SH3BGRL2: variants seen among roughly 807,000 people sequenced by gnomAD.
SH3BGRL2 encodes SH3 domain-binding glutamic acid-rich-like protein 2.
A neutral mutation model predicts 14.8 loss-of-function variants in SH3BGRL2; 21 were observed. That is an observed-to-expected ratio of 1.42 (90% confidence interval 1.01 to 2.05). The LOEUF (loss-of-function observed/expected upper bound fraction) is 2.05. Among genes scored for constraint, SH3BGRL2 ranks in the 30% most tolerant of loss-of-function variants. SH3BGRL2 has a pLI of 0.00. For missense variants in SH3BGRL2, 147 were observed against 130.8 expected (o/e 1.12, Z -0.61); for synonymous variants, 50 against 47.8 (o/e 1.05, Z -0.19).
the SH3BGRL2 span, among the ~76,000 whole-genome samples, chr6:79,538,018 GTTTTTTTTTTTTTTTTTTTTTTT>G: frequency 6.8e-5 from 3 of 44,146 alleles, no homozygotes; most frequent in Non-Finnish European, 1.3e-4. Context: ...TTGCACACAA[GTTTTTTTTTTTTTTTTTTTTTTT>G]TTTTTTTTTT....
At chr6:79,657,635 A>G (rs1191189049) in intron 1 of SH3BGRL2, among the ~76,000 whole-genome samples, 1 of 151,244 alleles carries the variant, frequency 6.6e-6, no homozygotes, top group Non-Finnish European at 1.5e-5. Context: ...TTTTTTTTTG[A>G]GGCGGAGTTT....
the SH3BGRL2 span, among the ~76,000 whole-genome samples, chr6:79,578,599 A>G: frequency 6.6e-6 from 1 of 152,170 alleles, no homozygotes; most frequent in Non-Finnish European, 1.5e-5. Flanking sequence ...AAAGAATAGC[A>G]TCAACATCAA....
At chr6:79,562,100 A>G in the SH3BGRL2 span, among the ~76,000 whole-genome samples, 5 of 152,146 alleles carry the variant, frequency 3.3e-5, no homozygotes, top group Admixed American at 6.5e-5. Context: ...ATATTTTTTT[A>G]TTAGAACTAG....
intron 2 of SH3BGRL2, among the ~76,000 whole-genome samples, chr6:79,690,655 T>C (rs1306157550): frequency 6.6e-6 from 1 of 152,208 alleles, no homozygotes; most frequent in Non-Finnish European, 1.5e-5. Flanking sequence ...TCATAGTGGT[T>C]TGCTGGACAT....
At chr6:79,656,084 A>G (rs1283135206) in intron 1 of SH3BGRL2, among the ~76,000 whole-genome samples, 2 of 152,252 alleles carry the variant, frequency 1.3e-5, no homozygotes, top group African/African-American at 4.8e-5. Flanking sequence ...CATCTAATTT[A>G]GGTTTTTTAA....
the SH3BGRL2 span, among the ~76,000 whole-genome samples, chr6:79,556,549 A>T: frequency 6.6e-6 from 1 of 152,012 alleles, no homozygotes; most frequent in Admixed American, 6.6e-5. Flanking sequence ...GAATTCTTAT[A>T]CTCTTTGGGA....
chr6:79,588,015 C>T, the SH3BGRL2 span, among the ~76,000 whole-genome samples: 1 of 149,840 alleles, frequency 6.7e-6, no homozygotes, highest in South Asian at 2.1e-4. Flanking sequence ...GTCTACTGGC[C>T]GGGTGCGGTG....
At chr6:79,640,975 A>C (rs960289633) in intron 1 of SH3BGRL2, among the ~76,000 whole-genome samples, 1 of 152,220 alleles carries the variant, frequency 6.6e-6, no homozygotes, top group African/African-American at 2.4e-5. Context: ...CTATTGCTAC[A>C]TACTGATCTA....
intron 1 of SH3BGRL2, among the ~76,000 whole-genome samples, chr6:79,638,716 T>A (rs1220223944): frequency 1.3e-5 from 2 of 152,174 alleles, no homozygotes; most frequent in African/African-American, 2.4e-5. Flanking sequence ...GAATTTTTTT[T>A]ATCTATTTGT....
the SH3BGRL2 span, among the ~76,000 whole-genome samples, chr6:79,602,860 A>G: frequency 6.6e-6 from 1 of 152,238 alleles, no homozygotes; most frequent in Non-Finnish European, 1.5e-5. Context: ...TGAATAATTT[A>G]AAGACTGAAA....
chr6:79,589,210 T>A, the SH3BGRL2 span, among the ~76,000 whole-genome samples: 133 of 109,104 alleles, frequency 1.2e-3, no homozygotes, highest in Non-Finnish European at 1.6e-3. Flanking sequence ...ATATATATTT[T>A]TTTTTTTTGA....
chr6:79,631,974 C>A (rs1768834894), intron 1 of SH3BGRL2, among the ~76,000 whole-genome samples: 1 of 152,156 alleles, frequency 6.6e-6, no homozygotes, highest in Non-Finnish European at 1.5e-5. Context: ...CTCTGTCCTC[C>A]CTTCCCCGCC....
chr6:79,553,700 G>A, the SH3BGRL2 span, among the ~76,000 whole-genome samples: 2 of 152,078 alleles, frequency 1.3e-5, no homozygotes, highest in Non-Finnish European at 2.9e-5. Flanking sequence ...GGCCAGGTGT[G>A]GTGGCTCACG....
At chr6:79,694,680 GTT>G (rs1173613165) in intron 2 of SH3BGRL2, among the ~76,000 whole-genome samples, 1 of 151,998 alleles carries the variant, frequency 6.6e-6, no homozygotes, top group Non-Finnish European at 1.5e-5. Flanking sequence ...CCTTCAGATT[GTT>G]TTTTCTCGTC....
chr6:79,693,987 C>T (rs1199961015), intron 2 of SH3BGRL2, among the ~76,000 whole-genome samples: 1 of 152,058 alleles, frequency 6.6e-6, no homozygotes, highest in African/African-American at 2.4e-5. Context: ...AGTTACAGGG[C>T]CCAGTAAATA....
intron 2 of SH3BGRL2, among the ~76,000 whole-genome samples, chr6:79,675,936 T>C (rs1769873650): frequency 6.6e-6 from 1 of 152,172 alleles, no homozygotes; most frequent in African/African-American, 2.4e-5. Flanking sequence ...TTTGTTCATG[T>C]AAGAGGTGAG....
chr6:79,693,244 A>G (rs1232431781), intron 2 of SH3BGRL2, among the ~76,000 whole-genome samples: 1 of 152,174 alleles, frequency 6.6e-6, no homozygotes, highest in Non-Finnish European at 1.5e-5. Context: ...TTATCAGCTG[A>G]AGGAGATTTT....
chr6:79,577,075 C>T, the SH3BGRL2 span, among the ~76,000 whole-genome samples: 1 of 152,190 alleles, frequency 6.6e-6, no homozygotes, highest in East Asian at 1.9e-4. Flanking sequence ...CTCTCTGTCT[C>T]TCTTTTTTGA....
Position 79,667,447 on chromosome 6 carries a change from GT to G in SH3BGRL2, c.46-6154del, listed in dbSNP as rs58887010. On this transcript the variant is annotated intron_variant, in intron 1 of 3. Coordinates refer to ENST00000369838, the MANE Select transcript of SH3BGRL2 (RefSeq NM_031469.4). ...ATGTAAGGAGGTAGCTTTAGGCTAAGTTTTTTTTTTTTTAATTGAGACAGAG... is the reference window on the plus strand; with the variant it reads ...ATGTAAGGAGGTAGCTTTAGGCTAAGTTTTTTTTTTTTAATTGAGACAGAG... Among the ~76,000 whole-genome samples, 20 of 147,110 alleles carry G rather than the reference GT, an allele frequency of 1.4e-4. No homozygotes were observed. The East Asian group carries it at 1.8e-3, about 13-fold the overall frequency.
Sources: allele counts gnomAD v4.1 joint callset (sites outside exome capture counted in the v4.1 genomes callset), GRCh38; gene constraint gnomAD v4.1.1; transcripts MANE v1.5; gene names NCBI Gene and HGNC (gene_info 2026-07-23, HGNC 2026-07-21).